Variants in GCA observed in about 807,000 individuals in gnomAD.
GCA encodes the protein grancalcin.
Under a neutral mutation model 32.6 loss-of-function variants are expected in GCA, and 30 were observed. That is an observed-to-expected ratio of 0.92 (90% confidence interval 0.69 to 1.25). The LOEUF (loss-of-function observed/expected upper bound fraction) is 1.25. Ranked by LOEUF, GCA falls within the 50% of genes most tolerant of loss-of-function variation. GCA has a pLI of 0.00. For missense variants in GCA, 291 were observed against 266.8 expected (o/e 1.09, Z -0.63); for synonymous variants, 102 against 84.6 (o/e 1.21, Z -1.13).
Position 162,347,891 on chromosome 2 carries a change from A to G in GCA, c.192+149A>G, listed in dbSNP as rs1396826622. On this transcript the variant is annotated intron_variant, in intron 2 of 7. Coordinates refer to ENST00000437150, the MANE Select transcript of GCA (RefSeq NM_012198.5). ...TTTTTTCCTGAGATCAGAGATGAGCATAGTCATAATTATTTCATTTTAAAA... is the reference window on the plus strand; with the variant it reads ...TTTTTTCCTGAGATCAGAGATGAGCGTAGTCATAATTATTTCATTTTAAAA... 5.4e-5 allele frequency: 23 copies of G among 428,914 alleles called. No individual in the cohort carries two copies. In the East Asian group the frequency reaches 6.9e-4, roughly 13 times the overall value. The allele number at this position is 428,914 out of a possible 1,614,324, so 26.6% of individuals were successfully genotyped here.
In GCA at chr2:162,360,836, T is replaced by C. The variant is rs1685540759; in HGVS notation, c.*593T>C. 5.9e-6 allele frequency: 7 copies of C among 1,192,488 alleles called. No homozygotes were observed. The highest frequency in any genetic ancestry group is 7.4e-6 in the Non-Finnish European group (7 of 943,756). The allele number at this position is 1,192,488 out of a possible 1,614,324, so 73.9% of individuals were successfully genotyped here. A position where few individuals can be genotyped will look rare whatever the true frequency, so the allele number is the denominator to read the frequency against. On this transcript the variant is annotated 3_prime_UTR_variant, in exon 8 of 8. Transcript: ENST00000437150. ...GAAATAAGACTACAGAAGGCATTGTTTTTTCCTTTTTTATTTTTTGTATTA... is the reference window on the plus strand; with the variant it reads ...GAAATAAGACTACAGAAGGCATTGTCTTTTCCTTTTTTATTTTTTGTATTA...
intron 3 of GCA, among the ~76,000 whole-genome samples, chr2:162,355,836 C>A (rs931248251): frequency 6.6e-6 from 1 of 151,102 alleles, no homozygotes; most frequent in Non-Finnish European, 1.5e-5. Flanking sequence ...AATGGACTTA[C>A]CTATTTCCAA....
chr2:162,350,264 C>G (rs1684924755), intron 2 of GCA, among the ~76,000 whole-genome samples: 1 of 152,110 alleles, frequency 6.6e-6, no homozygotes, highest in Non-Finnish European at 1.5e-5. Context: ...GGAAAGGGGA[C>G]TTGAGGTATG....
In GCA at chr2:162,344,292, T is replaced by G; in HGVS notation, c.27+17T>G. On this transcript the variant is annotated intron_variant, in intron 1 of 7. Transcript: ENST00000437150. ...GGAGGAGGGGTGAGTCCCAGCCGCT[T>G]GGTCGTGTCCCTCTTCCTCGCGGGG... 1.2e-6 allele frequency: 2 copies of G among 1,613,020 alleles called. No homozygotes were observed. The highest frequency in any genetic ancestry group is 1.7e-6 in the Non-Finnish European group (2 of 1,179,442).
At chr2:162,367,558 C>G (rs1181006779), downstream of GCA, among the ~76,000 whole-genome samples, 1 of 151,950 alleles carries the variant, frequency 6.6e-6, no homozygotes, top group African/African-American at 2.4e-5. Context: ...GAGATTGACA[C>G]TCTCACTATT....
At chr2:162,373,047 C>T (rs996607078), downstream of GCA, among the ~76,000 whole-genome samples, 3 of 152,104 alleles carry the variant, frequency 2.0e-5, no homozygotes, top group African/African-American at 7.2e-5. Context: ...TTCCTGAGAC[C>T]TCTCCCAGCC....
At chr2:162,368,573 C>T (rs999643739) in intron 4 of GCA, among the ~76,000 whole-genome samples, 4 of 151,830 alleles carry the variant, frequency 2.6e-5, no homozygotes, top group East Asian at 1.9e-4. Context: ...AATGACATTT[C>T]GATAAGAACT....
chr2:162,367,912 G>A (rs1685807940), downstream of GCA, among the ~76,000 whole-genome samples: 1 of 151,998 alleles, frequency 6.6e-6, no homozygotes, highest in African/African-American at 2.4e-5. Flanking sequence ...AAAGACTGGG[G>A]GAGGTTAACT....
chr2:162,371,583 A>G (rs1685948756), exon 5 of GCA: 3 of 870,794 alleles, frequency 3.4e-6, no homozygotes, highest in Non-Finnish European at 1.6e-6. Context: ...TAAAAAATAA[A>G]AATAAAAAAT....
intron 2 of GCA, among the ~76,000 whole-genome samples, chr2:162,350,429 A>T (rs1684934889): frequency 6.6e-6 from 1 of 152,032 alleles, no homozygotes; most frequent in South Asian, 2.1e-4. Context: ...GAAACAATAA[A>T]CCCCTATTGG....
chr2:162,362,084 C>CTTT lies in GCA; in HGVS notation c.*1843_*1845dup, dbSNP rs909036842. On this transcript the variant is annotated 3_prime_UTR_variant, in exon 8 of 8. Transcript: ENST00000437150. Reference sequence around the variant, plus strand: ...TTTTCATTTAAAAATGTTCTTATGACTTTTGGTCATAGAAGGTCTATGAAG... The same window carrying CTTT: ...TTTTCATTTAAAAATGTTCTTATGACTTTTTTTGGTCATAGAAGGTCTATGAAG... The CTTT allele has an allele frequency of 3.1e-6, 3 of 983,106 alleles. No individual in the cohort carries two copies. In the African/African-American group the frequency reaches 5.2e-5, roughly 17 times the overall value. 60.9% of individuals were successfully genotyped at this position (983,106 alleles called of 1,614,324 possible). A position where few individuals can be genotyped will look rare whatever the true frequency, so the allele number is the denominator to read the frequency against.
At chr2:162,374,778 A>G (rs1028353360), downstream of GCA, among the ~76,000 whole-genome samples, 1 of 152,122 alleles carries the variant, frequency 6.6e-6, no homozygotes, top group Non-Finnish European at 1.5e-5. Flanking sequence ...ATAACACATT[A>G]TTCTTGCAGT....
upstream of GCA, among the ~76,000 whole-genome samples, chr2:162,340,716 TCC>T (rs1041150976): frequency 3.9e-5 from 6 of 152,268 alleles, no homozygotes; most frequent in African/African-American, 1.2e-4. Flanking sequence ...TCCACTACTC[TCC>T]CTCTTGCTCA....
rs766763874 is a variant in GCA, at chr2:162,347,631, A to C, written c.81A>C (p.Pro27=). 16 of 1,610,766 alleles carry C rather than the reference A, an allele frequency of 9.9e-6. No homozygotes were observed. In the East Asian group the frequency reaches 3.6e-4, roughly 36 times the overall value. Residue 27 remains proline (P), a synonymous_variant, in exon 2 of 8, where the codon CCA becomes CCC. Coordinates refer to ENST00000437150, the MANE Select transcript of GCA (RefSeq NM_012198.5). ...VPGMQMGQPV[P]ETGPAILLDG... Reference sequence around the variant, plus strand: ...GAATGCAGATGGGACAGCCAGTGCCAGAAACAGGCCCAGCTATACTCCTCG... The same window carrying C: ...GAATGCAGATGGGACAGCCAGTGCCCGAAACAGGCCCAGCTATACTCCTCG...
rs1177925282 is a variant in GCA at position 162,362,878 on chromosome 2, A to G, written c.*2635A>G. On this transcript the variant is annotated 3_prime_UTR_variant, in exon 8 of 8. Transcript: ENST00000437150. Reference sequence around the variant, plus strand: ...ATTTCAAGGATTTCTCATTTGACCTATTTACACATGCATCCAGAAAAAAGT... The same window carrying G: ...ATTTCAAGGATTTCTCATTTGACCTGTTTACACATGCATCCAGAAAAAAGT... 6.6e-6 allele frequency among the ~76,000 whole-genome samples: 1 copy of G among 151,406 alleles called. No individual in the cohort carries two copies. Among genetic ancestry groups the G allele is most frequent in the Non-Finnish European group, 1.5e-5 (1 of 67,548 alleles).
At chr2:162,372,347 A>T (rs896002655), downstream of GCA, among the ~76,000 whole-genome samples, 4 of 152,108 alleles carry the variant, frequency 2.6e-5, no homozygotes, top group African/African-American at 7.2e-5. Flanking sequence ...GATTTAAAAA[A>T]ATATATATTA....
intron 1 of GCA, among the ~76,000 whole-genome samples, chr2:162,333,355 C>T (rs1245746725): frequency 1.3e-5 from 2 of 152,000 alleles, no homozygotes; most frequent in African/African-American, 2.4e-5. Context: ...TATTAAAATA[C>T]ATTTTCTGAT....
At chr2:162,347,834 G>A in intron 2 of GCA, 92 bp downstream of exon 2, 2 of 699,652 alleles carry the variant, frequency 2.9e-6, no homozygotes, top group Non-Finnish European at 4.2e-6. Flanking sequence ...AAATGTATAT[G>A]AAATTTATAT....
rs1168223775 is a variant in GCA, at chr2:162,359,571, A to T, written c.627+19A>T. On this transcript the variant is annotated intron_variant, in intron 7 of 7. Coordinates refer to ENST00000437150, the MANE Select transcript of GCA (RefSeq NM_012198.5). ...TGACGATGTGAGTATCCTGCTTTTGATATTTATACTGCATTCTAGATAGTT... is the reference window on the plus strand; with the variant it reads ...TGACGATGTGAGTATCCTGCTTTTGTTATTTATACTGCATTCTAGATAGTT... The T allele has an allele frequency of 3.7e-6, 5 of 1,348,474 alleles. No homozygotes were observed. The highest frequency in any genetic ancestry group is 5.3e-6 in the Non-Finnish European group (5 of 950,486). 83.5% of individuals were successfully genotyped at this position (1,348,474 alleles called of 1,614,324 possible).
Sources: gnomAD v4.1 joint callset for allele counts (sites outside exome capture counted in the v4.1 genomes callset) on GRCh38, gnomAD v4.1.1 for gene constraint, MANE v1.5 for transcripts, NCBI Gene and HGNC (gene_info 2026-07-23, HGNC 2026-07-21) for gene names.